Variants in FBXO11 observed in about 807,000 individuals in gnomAD.
The protein encoded by FBXO11 is F-box only protein 11.
A neutral mutation model predicts 117.0 loss-of-function variants in FBXO11; 13 were observed. The observed-to-expected ratio is 0.11, with a 90% CI of 0.07 to 0.18. The LOEUF is 0.18. FBXO11 is among the 10% of genes least tolerant of loss of function. The pLI is 1.00. For missense variants in FBXO11, 767 were observed against 1,164.4 expected (o/e 0.66, Z 4.97); for synonymous variants, 490 against 380.5 (o/e 1.29, Z -3.35).
At chr2:47,883,703 C>A in intron 1 of FBXO11, 1 of 269,748 alleles carries the variant, frequency 3.7e-6, no homozygotes, top group South Asian at 4.2e-5. Context: ...AATTCTTATA[C>A]AACTCCCAAG....
At chr2:47,897,707 A>AC (rs1677784329) in intron 1 of FBXO11, among the ~76,000 whole-genome samples, 1 of 150,804 alleles carries the variant, frequency 6.6e-6, no homozygotes, top group African/African-American at 2.4e-5. Flanking sequence ...AAACCAAAAA[A>AC]AAAAAAAAAA....
chr2:47,877,293 A>G (rs1676075726), intron 1 of FBXO11, among the ~76,000 whole-genome samples: 2 of 152,090 alleles, frequency 1.3e-5, no homozygotes, highest in South Asian at 4.2e-4. Context: ...CTCCCTGAGG[A>G]TCTTAAACAT....
chr2:47,880,339 C>T (rs1676347007), intron 1 of FBXO11, among the ~76,000 whole-genome samples: 1 of 152,098 alleles, frequency 6.6e-6, no homozygotes, highest in Non-Finnish European at 1.5e-5. Flanking sequence ...AAAAGGTCTT[C>T]CCCATACTAA....
intron 1 of FBXO11, among the ~76,000 whole-genome samples, chr2:47,863,044 A>C (rs189750731): frequency 8.0e-4 from 120 of 150,832 alleles, no homozygotes; most frequent in East Asian, 5.0e-3. Flanking sequence ...GACAAGCGTA[A>C]AACTGTGTCT....
chr2:47,888,066 T>C (rs1676999560), intron 1 of FBXO11, among the ~76,000 whole-genome samples: 2 of 152,166 alleles, frequency 1.3e-5, no homozygotes, highest in African/African-American at 2.4e-5. Context: ...GTATGTATTC[T>C]TTAATTCACT....
chr2:47,874,352 C>T (rs894214323), intron 1 of FBXO11, among the ~76,000 whole-genome samples: 2 of 151,866 alleles, frequency 1.3e-5, no homozygotes, highest in South Asian at 2.1e-4. Context: ...ATGCTTTAAC[C>T]CTCAACATAC....
chr2:47,832,927 G>A lies in FBXO11; in HGVS notation c.1041+37C>T, dbSNP rs147825373. The A allele has an allele frequency of 8.4e-5, 135 of 1,603,286 alleles. 1 individual carries two copies. The Admixed American group carries it at 1.1e-3, about 13-fold the overall frequency. On this transcript the variant is annotated intron_variant, in intron 8 of 22. Coordinates refer to ENST00000403359, the MANE Select transcript of FBXO11 (RefSeq NM_001190274.2). Reference sequence around the variant, plus strand: ...TGAAATAAACAATTACTGCCTTTATGATTTCAATGTGTATTTTAAATCTTA... The same window carrying A: ...TGAAATAAACAATTACTGCCTTTATAATTTCAATGTGTATTTTAAATCTTA...
intron 1 of FBXO11, among the ~76,000 whole-genome samples, chr2:47,873,017 T>C (rs777210488): frequency 5.3e-5 from 8 of 152,156 alleles, no homozygotes; most frequent in Non-Finnish European, 1.2e-4. Context: ...GGGTCTTGTT[T>C]AAAAAAGTCT....
intron 1 of FBXO11, among the ~76,000 whole-genome samples, chr2:47,901,467 A>T (rs1292917024): frequency 3.3e-5 from 5 of 152,170 alleles, no homozygotes; most frequent in Non-Finnish European, 7.4e-5. Flanking sequence ...ATTAAAAGGT[A>T]ATAAATGAGA....
At chr2:47,827,658 C>G (rs1671860192) in intron 11 of FBXO11, among the ~76,000 whole-genome samples, 1 of 150,898 alleles carries the variant, frequency 6.6e-6, no homozygotes, top group South Asian at 2.1e-4. Flanking sequence ...AGCAATACCT[C>G]TAGTACAAAA....
At chr2:47,850,932 TAA>T (rs1344275489) in intron 1 of FBXO11, among the ~76,000 whole-genome samples, 1 of 152,234 alleles carries the variant, frequency 6.6e-6, no homozygotes, top group Non-Finnish European at 1.5e-5. Flanking sequence ...CAATATTTCC[TAA>T]GAGTCAAAAT....
chr2:47,855,334 G>C (rs1372145029), intron 1 of FBXO11, among the ~76,000 whole-genome samples: 1 of 151,990 alleles, frequency 6.6e-6, no homozygotes, highest in African/African-American at 2.4e-5. Context: ...TCCTTAAGTA[G>C]CTGGGACCAA....
At chr2:47,826,918 T>A (rs1671796498) in intron 11 of FBXO11, among the ~76,000 whole-genome samples, 2 of 152,190 alleles carry the variant, frequency 1.3e-5, no homozygotes, top group South Asian at 4.1e-4. Flanking sequence ...CATTTACATT[T>A]ACATTAGGTT....
At chr2:47,846,859 T>C (rs1673456819) in intron 1 of FBXO11, among the ~76,000 whole-genome samples, 1 of 152,186 alleles carries the variant, frequency 6.6e-6, no homozygotes. Context: ...ACTAGGCATA[T>C]TTCAAGTGCT....
chr2:47,816,017 C>T (rs1572770388), intron 16 of FBXO11, among the ~76,000 whole-genome samples: 1 of 152,186 alleles, frequency 6.6e-6, no homozygotes, highest in East Asian at 1.9e-4. Context: ...GAACCTTCAG[C>T]CCTGAAAACA....
intron 1 of FBXO11, among the ~76,000 whole-genome samples, chr2:47,856,611 T>C (rs1674314471): frequency 1.3e-5 from 2 of 152,222 alleles, no homozygotes; most frequent in Non-Finnish European, 2.9e-5. Flanking sequence ...ATCTTTTGAG[T>C]GGCCTACGGA....
intron 1 of FBXO11, among the ~76,000 whole-genome samples, chr2:47,852,269 T>C (rs2103659613): frequency 6.6e-6 from 1 of 152,158 alleles, no homozygotes; most frequent in African/African-American, 2.4e-5. Context: ...GGATTACAGG[T>C]ATGAGCCACT....
At chr2:47,842,105 T>G (rs1440631281) in intron 1 of FBXO11, among the ~76,000 whole-genome samples, 1 of 151,794 alleles carries the variant, frequency 6.6e-6, no homozygotes, top group Non-Finnish European at 1.5e-5. Flanking sequence ...AACCTCCGTC[T>G]CCTGGGTTCA....
intron 20 of FBXO11, 140 bp downstream of exon 20, chr2:47,809,460 A>G: frequency 1.4e-6 from 1 of 721,900 alleles, no homozygotes; most frequent in South Asian, 2.0e-5. Context: ...ATTTAGAACC[A>G]AAGCTCTGTT....
Sources: allele counts gnomAD v4.1 joint callset (sites outside exome capture counted in the v4.1 genomes callset), GRCh38; gene constraint gnomAD v4.1.1; transcripts MANE v1.5; gene names NCBI Gene and HGNC (gene_info 2026-07-23, HGNC 2026-07-21).